Variants in MLLT3 observed in about 807,000 individuals in gnomAD.
The protein encoded by MLLT3 is MLLT3 super elongation complex subunit.
In MLLT3, 4 loss-of-function variants were observed where a neutral mutation model predicts 53.2. The observed-to-expected ratio is 0.08, with a 90% CI of 0.04 to 0.17. The LOEUF is 0.17. Among genes scored for constraint, MLLT3 ranks in the 10% least tolerant of loss-of-function variants. The pLI is 1.00. For missense variants in MLLT3, 569 were observed against 684.0 expected (o/e 0.83, Z 1.87); for synonymous variants, 283 against 230.6 (o/e 1.23, Z -2.06).
chr9:20,403,709 C>T (rs149805996), intron 5 of MLLT3, among the ~76,000 whole-genome samples: 182 of 152,228 alleles, frequency 1.2e-3, no homozygotes, highest in African/African-American at 3.8e-3. Context: ...ATTAAAATAA[C>T]GCTGCAAAAT....
chr9:20,377,836 T>A (rs1192957900), intron 5 of MLLT3, among the ~76,000 whole-genome samples: 1 of 152,088 alleles, frequency 6.6e-6, no homozygotes, highest in Non-Finnish European at 1.5e-5. Context: ...GGGGAAAAAG[T>A]GTTGACTTAA....
intron 10 of MLLT3, among the ~76,000 whole-genome samples, chr9:20,350,049 G>A (rs1379065607): frequency 6.6e-6 from 1 of 152,198 alleles, no homozygotes; most frequent in African/African-American, 2.4e-5. Flanking sequence ...AAAAATAAGT[G>A]TGCATTGCTT....
rs369890921 is a variant in MLLT3, at chr9:20,599,077, G to A, written c.193+21577C>T. On this transcript the variant is annotated intron_variant, in intron 2 of 10. Transcript: ENST00000380338. ...TCCCAGTACTTTGGGAGGCCAAGGC[G>A]GGCAGATCACGAGGTCAAGAGATCG... Among the ~76,000 whole-genome samples the A allele has an allele frequency of 2.8e-4, 43 of 152,214 alleles. 1 individual carries two copies. The highest frequency in any genetic ancestry group is 4.4e-4 in the Non-Finnish European group (30 of 67,996).
chr9:20,609,690 G>C (rs1459163608), intron 2 of MLLT3, among the ~76,000 whole-genome samples: 1 of 152,066 alleles, frequency 6.6e-6, no homozygotes, highest in East Asian at 1.9e-4. Flanking sequence ...TGATGGTTGA[G>C]GTGAATGGCA....
chr9:20,545,668 C>A (rs916257090), intron 2 of MLLT3, among the ~76,000 whole-genome samples: 1 of 151,728 alleles, frequency 6.6e-6, no homozygotes, highest in Non-Finnish European at 1.5e-5. Context: ...CATCTTTAAC[C>A]GTATTAGATT....
At chr9:20,587,054 C>G (rs1819987110) in intron 2 of MLLT3, among the ~76,000 whole-genome samples, 1 of 151,638 alleles carries the variant, frequency 6.6e-6, no homozygotes, top group Admixed American at 6.6e-5. Context: ...TTGATAAAAC[C>G]AAGTACAAAA....
At chr9:20,409,922 A>G (rs1221966180) in intron 5 of MLLT3, among the ~76,000 whole-genome samples, 1 of 152,226 alleles carries the variant, frequency 6.6e-6, no homozygotes, top group Non-Finnish European at 1.5e-5. Flanking sequence ...GAAAACAAAA[A>G]TGAAAAAACA....
At chr9:20,531,948 GT>G (rs942740312) in intron 2 of MLLT3, among the ~76,000 whole-genome samples, 2 of 151,642 alleles carry the variant, frequency 1.3e-5, no homozygotes, top group African/African-American at 4.8e-5. Flanking sequence ...TTTCATTTTA[GT>G]TTAGACTAAA....
At chr9:20,593,079 C>G (rs892647192) in intron 2 of MLLT3, among the ~76,000 whole-genome samples, 4 of 152,140 alleles carry the variant, frequency 2.6e-5, no homozygotes, top group Admixed American at 2.6e-4. Context: ...TTTTTCTGTA[C>G]TGTAGCTAAA....
At chr9:20,611,059 G>C (rs922636671) in intron 2 of MLLT3, among the ~76,000 whole-genome samples, 1 of 151,962 alleles carries the variant, frequency 6.6e-6, no homozygotes, top group Non-Finnish European at 1.5e-5. Context: ...ATATAAAAAA[G>C]GTCGTAATTA....
chr9:20,525,822 A>G (rs1818186037), intron 2 of MLLT3, among the ~76,000 whole-genome samples: 1 of 152,226 alleles, frequency 6.6e-6, no homozygotes, highest in Non-Finnish European at 1.5e-5. Context: ...CTGGTCTCAC[A>G]AGACCGATTG....
intron 2 of MLLT3, among the ~76,000 whole-genome samples, chr9:20,493,562 T>C (rs1050038750): frequency 6.6e-6 from 1 of 152,050 alleles, no homozygotes; most frequent in Non-Finnish European, 1.5e-5. Context: ...GCATTACACA[T>C]AGATGCTCAT....
chr9:20,357,025 T>G (rs1367252610), intron 8 of MLLT3, among the ~76,000 whole-genome samples: 2 of 152,222 alleles, frequency 1.3e-5, no homozygotes, highest in African/African-American at 4.8e-5. Context: ...TGAGCCCTGC[T>G]GAAGACAATT....
chr9:20,578,559 A>G (rs1226424519), intron 2 of MLLT3, among the ~76,000 whole-genome samples: 2 of 152,130 alleles, frequency 1.3e-5, no homozygotes, highest in African/African-American at 4.8e-5. Context: ...CATATCAAAT[A>G]AAGAATGACA....
chr9:20,534,416 T>C (rs148930493), intron 2 of MLLT3, among the ~76,000 whole-genome samples: 244 of 152,316 alleles, frequency 1.6e-3, no homozygotes, highest in African/African-American at 5.3e-3. Context: ...AAACAGATCA[T>C]TCCAAATAAT....
intron 5 of MLLT3, among the ~76,000 whole-genome samples, chr9:20,366,131 C>T (rs1028920950): frequency 6.6e-5 from 10 of 152,096 alleles, no homozygotes; most frequent in Non-Finnish European, 8.8e-5. Flanking sequence ...ACATGTGCCA[C>T]GGTGGTTTAC....
At chr9:20,489,103 A>C (rs2118918726) in intron 2 of MLLT3, among the ~76,000 whole-genome samples, 1 of 152,330 alleles carries the variant, frequency 6.6e-6, no homozygotes, top group Non-Finnish European at 1.5e-5. Flanking sequence ...CAAAGTGAAC[A>C]CTATTCCACA....
chr9:20,515,679 T>C (rs749717675), intron 2 of MLLT3, among the ~76,000 whole-genome samples: 4 of 152,202 alleles, frequency 2.6e-5, no homozygotes, highest in Non-Finnish European at 5.9e-5. Flanking sequence ...TTTTTCTTTC[T>C]TTGGATGTTT....
At chr9:20,474,562 C>T (rs1409343769) in intron 2 of MLLT3, among the ~76,000 whole-genome samples, 9 of 152,038 alleles carry the variant, frequency 5.9e-5, no homozygotes, top group Admixed American at 2.0e-4. Context: ...CTTCATTCGG[C>T]GGAGACCCTG....
Sources: gnomAD v4.1 joint callset for allele counts (sites outside exome capture counted in the v4.1 genomes callset) on GRCh38, gnomAD v4.1.1 for gene constraint, MANE v1.5 for transcripts, NCBI Gene and HGNC (gene_info 2026-07-23, HGNC 2026-07-21) for gene names.